Variants in CAAP1 observed in about 807,000 individuals in gnomAD.
CAAP1 encodes the protein conserved anti-apoptotic protein.
In CAAP1, 20 loss-of-function variants were observed where a neutral mutation model predicts 34.0. The ratio of observed to expected loss-of-function variants is 0.59; its 90% CI spans 0.41 to 0.86. CAAP1 has a LOEUF of 0.86. CAAP1 is among the 40% of genes least tolerant of loss of function. CAAP1 has a pLI of 0.00. For missense variants in CAAP1, 538 were observed against 450.5 expected, an observed-to-expected ratio of 1.19 and a Z score of -1.76; for synonymous variants, 213 against 166.7, an observed-to-expected ratio of 1.28 and a Z score of -2.14.
intron 4 of CAAP1, among the ~76,000 whole-genome samples, chr9:26,881,787 G>T (rs977953345): frequency 5.9e-5 from 9 of 152,310 alleles, no homozygotes; most frequent in African/African-American, 2.2e-4. Context: ...ACAATTTGGA[G>T]GGCCCAGAAG....
At chr9:26,890,307 G>T (rs1823868474) in intron 1 of CAAP1, among the ~76,000 whole-genome samples, 1 of 151,354 alleles carries the variant, frequency 6.6e-6, no homozygotes, top group Non-Finnish European at 1.5e-5. Flanking sequence ...GCAGGCGGAG[G>T]TTGCAGTGGG....
chr9:26,844,355 C>T (rs1265482529), intron 5 of CAAP1, among the ~76,000 whole-genome samples: 1 of 150,762 alleles, frequency 6.6e-6, no homozygotes, highest in Non-Finnish European at 1.5e-5. Context: ...GAAACTCCGT[C>T]TCAAAAAAAA....
At chr9:26,845,154 C>T (rs994684447) in intron 5 of CAAP1, among the ~76,000 whole-genome samples, 4 of 152,092 alleles carry the variant, frequency 2.6e-5, no homozygotes, top group Non-Finnish European at 5.9e-5. Context: ...TATTTTTACT[C>T]TCTCTCTACT....
intron 5 of CAAP1, among the ~76,000 whole-genome samples, chr9:26,847,153 T>C (rs1563877346): frequency 1.3e-5 from 2 of 148,886 alleles, no homozygotes; most frequent in African/African-American, 2.5e-5. Flanking sequence ...GCTTCTTTTA[T>C]AGACAGATAA....
chr9:26,867,452 A>AC (rs1563885861), intron 4 of CAAP1, among the ~76,000 whole-genome samples: 2 of 151,890 alleles, frequency 1.3e-5, no homozygotes, highest in African/African-American at 4.9e-5. Flanking sequence ...TCACCATCCC[A>AC]CCTATTCATA....
chr9:26,878,209 A>T (rs1823493482), intron 4 of CAAP1, among the ~76,000 whole-genome samples: 1 of 152,128 alleles, frequency 6.6e-6, no homozygotes, highest in Admixed American at 6.6e-5. Flanking sequence ...AGCTCATTTT[A>T]TTCCCTGCAA....
chr9:26,857,354 G>C (rs1182695879), intron 5 of CAAP1, among the ~76,000 whole-genome samples: 2 of 152,170 alleles, frequency 1.3e-5, no homozygotes, highest in South Asian at 4.1e-4. Flanking sequence ...ATTTCTGGCC[G>C]GGTATGGTGG....
At chr9:26,852,485 A>T (rs1397256357) in intron 5 of CAAP1, among the ~76,000 whole-genome samples, 1 of 151,952 alleles carries the variant, frequency 6.6e-6, no homozygotes, top group Non-Finnish European at 1.5e-5. Context: ...AAGGGTATTG[A>T]GAGAAGAGGG....
chr9:26,880,308 G>T, intron 4 of CAAP1: 1 of 345,624 alleles, frequency 2.9e-6, no homozygotes, highest in Non-Finnish European at 5.6e-6. Flanking sequence ...GCACTGGTCT[G>T]ATTTGAAGTC....
intron 3 of CAAP1, among the ~76,000 whole-genome samples, chr9:26,885,472 G>A (rs1823716586): frequency 6.6e-6 from 1 of 152,040 alleles, no homozygotes; most frequent in South Asian, 2.1e-4. Flanking sequence ...TCTATTTCCA[G>A]AGTTACAAAA....
chr9:26,843,657 G>C (rs1587083584), intron 5 of CAAP1, among the ~76,000 whole-genome samples: 1 of 151,770 alleles, frequency 6.6e-6, no homozygotes, highest in Non-Finnish European at 1.5e-5. Flanking sequence ...AGAAAGCTTT[G>C]ATAGCGCTTT....
intron 1 of CAAP1, among the ~76,000 whole-genome samples, chr9:26,891,534 A>C (rs1823903397): frequency 6.6e-6 from 1 of 152,058 alleles, no homozygotes; most frequent in African/African-American, 2.4e-5. Flanking sequence ...CTCTTGTAGG[A>C]GATATATACA....
rs1489106313 is a variant in CAAP1 at position 26,842,657 on chromosome 9, A to G, written c.740-10T>C. The stretch of plus-strand genomic sequence containing the variant: ...CTATCTTCCCCTTTTCCTGTAACCA[A>G]AAAAGGAGAAAGATCCATGTAACCT... On this transcript the variant is annotated splice_polypyrimidine_tract_variant and intron_variant, in intron 5 of 5. Transcript: ENST00000333916. 5.1e-6 allele frequency: 8 copies of G among 1,569,482 alleles called. No homozygotes were observed. The Admixed American group carries it at 7.6e-5, about 15-fold the overall frequency.
At chr9:26,865,221 G>C (rs1420539569) in intron 4 of CAAP1, among the ~76,000 whole-genome samples, 1 of 152,080 alleles carries the variant, frequency 6.6e-6, no homozygotes, top group Non-Finnish European at 1.5e-5. Context: ...CAAAAGTAAA[G>C]ATTAAAAATC....
intron 1 of CAAP1, among the ~76,000 whole-genome samples, chr9:26,888,991 A>G (rs1186668562): frequency 6.6e-6 from 1 of 152,260 alleles, no homozygotes; most frequent in African/African-American, 2.4e-5. Context: ...CAAAGGAATG[A>G]ACCCTATGTG....
intron 4 of CAAP1, among the ~76,000 whole-genome samples, chr9:26,881,223 C>A (rs1363898604): frequency 2.6e-5 from 4 of 152,204 alleles, no homozygotes; most frequent in Admixed American, 1.3e-4. Context: ...ATCCTCTCAA[C>A]CTGTACTCAC....
At chr9:26,846,261 AC>A (rs1822597928) in intron 5 of CAAP1, among the ~76,000 whole-genome samples, 1 of 151,998 alleles carries the variant, frequency 6.6e-6, no homozygotes, top group South Asian at 2.1e-4. Flanking sequence ...TACTAAAAAT[AC>A]AAAAATTAGC....
chr9:26,876,107 C>T (rs746702754), intron 4 of CAAP1, among the ~76,000 whole-genome samples: 7 of 152,164 alleles, frequency 4.6e-5, no homozygotes, highest in Non-Finnish European at 7.4e-5. Context: ...TACTGCATTT[C>T]TTGCAGAGGA....
At chr9:26,850,540 C>T (rs1452384663) in intron 5 of CAAP1, among the ~76,000 whole-genome samples, 1 of 152,150 alleles carries the variant, frequency 6.6e-6, no homozygotes, top group African/African-American at 2.4e-5. Context: ...GCAGATGATG[C>T]TTTTAAAAAT....
Sources: allele counts gnomAD v4.1 joint callset (sites outside exome capture counted in the v4.1 genomes callset), GRCh38; gene constraint gnomAD v4.1.1; transcripts MANE v1.5; gene names NCBI Gene and HGNC (gene_info 2026-07-23, HGNC 2026-07-21).